Variants in ASTN2 observed in about 807,000 individuals in gnomAD.
ASTN2 encodes the protein astrotactin-2.
A neutral mutation model predicts 139.8 loss-of-function variants in ASTN2; 54 were observed. That is an observed-to-expected ratio of 0.39 (90% CI 0.31 to 0.48). ASTN2 has a LOEUF of 0.48. Ranked by LOEUF, ASTN2 falls within the 20% of genes least tolerant of loss-of-function variation. The probability of loss-of-function intolerance (pLI) is 0.95; values close to 1 mark genes in which losing one functional copy is unlikely to be tolerated. For synonymous variants in ASTN2, 756 were observed against 719.5 expected (o/e 1.05, Z -0.81); for missense variants, 1,565 against 1,725.1 (o/e 0.91, Z 1.64).
intron 16 of ASTN2, among the ~76,000 whole-genome samples, chr9:116,675,431 T>A (rs1490177162): frequency 3.3e-5 from 5 of 152,118 alleles, no homozygotes; most frequent in Non-Finnish European, 5.9e-5. Flanking sequence ...ATGGTGTGTC[T>A]GCATCTGTAG....
At chr9:116,430,339 AGGGTGAAG>A (rs1322457128) in intron 22 of ASTN2, among the ~76,000 whole-genome samples, 1 of 152,234 alleles carries the variant, frequency 6.6e-6, no homozygotes, top group East Asian at 1.9e-4. Flanking sequence ...TCCTGATTCC[AGGGTGAAG>A]ATGAAGTGTT....
At chr9:117,116,002 G>A (rs1829378102) in intron 4 of ASTN2, among the ~76,000 whole-genome samples, 1 of 139,894 alleles carries the variant, frequency 7.1e-6, no homozygotes, top group African/African-American at 2.8e-5. Context: ...TCCAGACTGG[G>A]GGACAGAGTG....
At chr9:116,562,152 A>C (rs537115271) in intron 19 of ASTN2, 1 of 152,342 alleles carries the variant, frequency 6.6e-6, no homozygotes, top group South Asian at 2.1e-4. Context: ...GGGTTCCTGA[A>C]AATTGTTCCT....
chr9:117,247,857 G>A (rs1160211605), intron 2 of ASTN2, among the ~76,000 whole-genome samples: 2 of 152,224 alleles, frequency 1.3e-5, no homozygotes, highest in African/African-American at 4.8e-5. Flanking sequence ...GTGCTTGCAA[G>A]ACATGACTCA....
At chr9:116,858,849 G>A (rs1180363456) in intron 11 of ASTN2, among the ~76,000 whole-genome samples, 3 of 152,018 alleles carry the variant, frequency 2.0e-5, no homozygotes, top group African/African-American at 7.3e-5. Context: ...TCTTTTACCT[G>A]TTATCAGTAT....
At chr9:116,561,401 A>T (rs905060791) in intron 19 of ASTN2, among the ~76,000 whole-genome samples, 1 of 152,182 alleles carries the variant, frequency 6.6e-6, no homozygotes, top group South Asian at 2.1e-4. Flanking sequence ...AGGTAAAATC[A>T]GTTATATTTT....
Position 117,413,601 on chromosome 9 carries a change from T to G in ASTN2, c.442+896A>C, listed in dbSNP as rs138121228. Among the ~76,000 whole-genome samples, 683 of 152,322 alleles carry G rather than the reference T, an allele frequency of 4.5e-3. 4 individuals are homozygous for G. The highest frequency in any genetic ancestry group is 0.014 in the Middle Eastern group (4 of 294). On this transcript the variant is annotated intron_variant, in intron 1 of 22. Coordinates refer to ENST00000313400, the MANE Select transcript of ASTN2 (RefSeq NM_001365068.1). ...TCAGCTGCGCTTCCCACAGCTCCAC[T>G]GAAGGGCCGACTCCTCCGGGATTCG... is the stretch of plus-strand genomic sequence containing the variant.
At chr9:116,891,196 A>C (rs188818667) in intron 10 of ASTN2, among the ~76,000 whole-genome samples, 1 of 152,346 alleles carries the variant, frequency 6.6e-6, no homozygotes, top group Admixed American at 6.5e-5. Flanking sequence ...GGTTTTGAGT[A>C]GTGCTAACTA....
At chr9:116,830,178 AAC>A (rs1831764435) in intron 11 of ASTN2, among the ~76,000 whole-genome samples, 1 of 152,240 alleles carries the variant, frequency 6.6e-6, no homozygotes, top group African/African-American at 2.4e-5. Context: ...AAAAGACATA[AAC>A]AGACACTTCT....
chr9:116,761,691 TGA>T (rs1342290941), intron 13 of ASTN2, among the ~76,000 whole-genome samples: 1 of 151,936 alleles, frequency 6.6e-6, no homozygotes, highest in Non-Finnish European at 1.5e-5. Context: ...GGGAGACACT[TGA>T]GAGATGGGCT....
At chr9:117,126,270 A>G (rs1206906985) in intron 4 of ASTN2, among the ~76,000 whole-genome samples, 1 of 152,206 alleles carries the variant, frequency 6.6e-6, no homozygotes, top group East Asian at 1.9e-4. Flanking sequence ...TGTGAATGCA[A>G]GTCTTGGAGG....
intron 2 of ASTN2, among the ~76,000 whole-genome samples, chr9:117,240,596 T>A (rs1392634341): frequency 6.6e-6 from 1 of 152,054 alleles, no homozygotes; most frequent in Non-Finnish European, 1.5e-5. Flanking sequence ...GTGAGAATAA[T>A]TAAGTGCGGG....
At chr9:116,877,115 T>A (rs1256369862) in intron 10 of ASTN2, among the ~76,000 whole-genome samples, 1 of 152,202 alleles carries the variant, frequency 6.6e-6, no homozygotes, top group Non-Finnish European at 1.5e-5. Flanking sequence ...AAAGTTTAAG[T>A]CTTAGCCAAC....
intron 1 of ASTN2, among the ~76,000 whole-genome samples, chr9:117,357,430 C>T (rs1346798104): frequency 6.6e-6 from 1 of 151,978 alleles, no homozygotes; most frequent in Non-Finnish European, 1.5e-5. Flanking sequence ...CACAAATGAA[C>T]TAATGAGGAT....
chr9:116,568,463 T>C (rs1289682020), intron 19 of ASTN2: 1 of 152,204 alleles, frequency 6.6e-6, no homozygotes, highest in African/African-American at 2.4e-5. Flanking sequence ...CATTAACCTG[T>C]CCATCTTCAG....
chr9:117,341,648 G>C (rs1457709945), intron 1 of ASTN2, among the ~76,000 whole-genome samples: 1 of 152,062 alleles, frequency 6.6e-6, no homozygotes, highest in Non-Finnish European at 1.5e-5. Context: ...AGCAGAGAGA[G>C]AAAAGCATGA....
At chr9:117,253,734 T>C (rs1276681388) in intron 2 of ASTN2, among the ~76,000 whole-genome samples, 2 of 152,150 alleles carry the variant, frequency 1.3e-5, no homozygotes, top group Non-Finnish European at 2.9e-5. Flanking sequence ...TCTGATGGTG[T>C]CAAAGCATCC....
In ASTN2 at chr9:117,140,602, A is replaced by G. The variant is rs186831450; in HGVS notation, c.1168+724T>C. Among the ~76,000 whole-genome samples the G allele has an allele frequency of 1.6e-3, 244 of 150,928 alleles. 7 individuals are homozygous for G. Among genetic ancestry groups the G allele is most frequent in the Middle Eastern group, 6.8e-3 (2 of 294 alleles). On this transcript the variant is annotated intron_variant, in intron 4 of 22. Coordinates refer to ENST00000313400, the MANE Select transcript of ASTN2 (RefSeq NM_001365068.1). ...GGAGATGAAGATGAAGGAGGAAGAG[A>G]TGTAGAAGGAGAAAGAGGAGGAGGA... is the stretch of plus-strand genomic sequence containing the variant.
chr9:117,397,422 T>C (rs1329035921), intron 1 of ASTN2, among the ~76,000 whole-genome samples: 2 of 152,152 alleles, frequency 1.3e-5, no homozygotes, highest in African/African-American at 4.8e-5. Flanking sequence ...GTGCGACAAC[T>C]ATAAAAATTT....
Sources: gnomAD v4.1 joint callset for allele counts (sites outside exome capture counted in the v4.1 genomes callset) on GRCh38, gnomAD v4.1.1 for gene constraint, MANE v1.5 for transcripts, NCBI Gene and HGNC (gene_info 2026-07-23, HGNC 2026-07-21) for gene names.